PREX1: variants seen among roughly 807,000 people sequenced by gnomAD.
PREX1 encodes the protein phosphatidylinositol 3,4,5-trisphosphate-dependent Rac exchanger 1 protein.
A neutral mutation model predicts 198.3 loss-of-function variants in PREX1; 41 were observed. The ratio of observed to expected loss-of-function variants is 0.21; its 90% CI spans 0.16 to 0.27. The LOEUF (loss-of-function observed/expected upper bound fraction) is 0.27, where lower values mean the gene tolerates loss of function less well. Ranked by LOEUF, PREX1 falls within the 10% of genes least tolerant of loss-of-function variation. The pLI, the probability that PREX1 is intolerant of heterozygous loss-of-function variation, is 1.00. For synonymous variants in PREX1, 843 were observed against 887.2 expected (o/e 0.95, Z 0.89); for missense variants, 1,620 against 2,200.7 (o/e 0.74, Z 5.28).
chr20:48,692,398 C>G, intron 8 of PREX1: 1 of 313,550 alleles, frequency 3.2e-6, no homozygotes, highest in East Asian at 5.4e-5. Context: ...CTTTAAAAAG[C>G]AAGAAAATGA....
intron 1 of PREX1, among the ~76,000 whole-genome samples, chr20:48,813,092 C>A (rs1424350307): frequency 1.3e-5 from 2 of 152,246 alleles, no homozygotes; most frequent in African/African-American, 2.4e-5. Flanking sequence ...TACTCCACCC[C>A]CAACGGCCCA....
Position 48,625,090 on chromosome 20 carries a change from G to A in PREX1, c.*795C>T, listed in dbSNP as rs1300531734. The A allele has an allele frequency of 6.6e-6, 1 of 152,196 alleles. No individual in the cohort carries two copies. Among genetic ancestry groups the A allele is most frequent in the African/African-American group, 2.4e-5 (1 of 41,272 alleles). 9.4% of individuals were successfully genotyped at this position (152,196 alleles called of 1,614,324 possible). A position where few individuals can be genotyped will look rare whatever the true frequency, so the allele number is the denominator to read the frequency against. The stretch of plus-strand genomic sequence containing the variant: ...TTTTTTAGTAGAAGCAGGAACAGTT[G>A]TCAATACTACCTTCTGTTGGTCCCC... On this transcript the variant is annotated 3_prime_UTR_variant, in exon 40 of 40. Transcript: ENST00000371941.
chr20:48,643,739 T>C (rs2089431016), intron 27 of PREX1, among the ~76,000 whole-genome samples: 1 of 152,130 alleles, frequency 6.6e-6, no homozygotes. Flanking sequence ...AGTGGCATGA[T>C]CTGAGTCCAC....
At position 48,666,271 on chromosome 20, in the gene PREX1, G is replaced by A; in HGVS notation, c.1738+12C>T. 6.4e-7 allele frequency: 1 copy of A among 1,556,880 alleles called. No homozygotes were observed. Among genetic ancestry groups the A allele is most frequent in the Non-Finnish European group, 8.7e-7 (1 of 1,150,648 alleles). On this transcript the variant is annotated intron_variant, in intron 15 of 39. Transcript: ENST00000371941. The surrounding 1 kb of genome is among the most constrained non-coding windows in gnomAD (Gnocchi z 4.3). ...AGGTCCCGGGGGCTGGGCTGCAGGTGGGGGTGGTTACCGTGGTGCATGAAG... is the reference window on the plus strand; with the variant it reads ...AGGTCCCGGGGGCTGGGCTGCAGGTAGGGGTGGTTACCGTGGTGCATGAAG...
At chr20:48,855,589 G>A in the PREX1 span, among the ~76,000 whole-genome samples, 1 of 152,168 alleles carries the variant, frequency 6.6e-6, no homozygotes, top group Non-Finnish European at 1.5e-5. Flanking sequence ...CACTCCGGCA[G>A]AGGAGACAGA....
chr20:48,715,759 G>T (rs145333952), intron 5 of PREX1, among the ~76,000 whole-genome samples: 21 of 152,290 alleles, frequency 1.4e-4, no homozygotes, highest in South Asian at 1.0e-3. Context: ...AATAGAAGTC[G>T]TGGTAATAGT....
At chr20:48,881,294 A>T in the PREX1 span, among the ~76,000 whole-genome samples, 1 of 152,150 alleles carries the variant, frequency 6.6e-6, no homozygotes, top group African/African-American at 2.4e-5. Flanking sequence ...TAAAAAAAGA[A>T]TTTAAACCCA....
intron 4 of PREX1, among the ~76,000 whole-genome samples, chr20:48,728,211 A>C (rs2090018153): frequency 6.6e-6 from 1 of 152,246 alleles, no homozygotes; most frequent in African/African-American, 2.4e-5. Flanking sequence ...GGGGCTGCCC[A>C]ACAAAACAAA....
At chr20:48,752,319 C>A (rs1357600481) in intron 1 of PREX1, among the ~76,000 whole-genome samples, 2 of 152,220 alleles carry the variant, frequency 1.3e-5, no homozygotes, top group Non-Finnish European at 2.9e-5. Flanking sequence ...TTTGCATGTT[C>A]ACAACATTTT....
At chr20:48,846,708 C>T in the PREX1 span, among the ~76,000 whole-genome samples, 9 of 152,294 alleles carry the variant, frequency 5.9e-5, no homozygotes, top group South Asian at 1.9e-3. Flanking sequence ...AGTTGCTCCC[C>T]AGCCAAAGGT....
chr20:48,709,650 C>T (rs2089921595), intron 5 of PREX1, among the ~76,000 whole-genome samples: 1 of 152,216 alleles, frequency 6.6e-6, no homozygotes, highest in South Asian at 2.1e-4. Flanking sequence ...CAAGGAGGAA[C>T]TGGGATTTGA....
Position 48,644,502 on chromosome 20 carries a change from A to G in PREX1, c.3513-5T>C. On this transcript the variant is annotated splice_polypyrimidine_tract_variant and splice_region_variant and intron_variant, in intron 26 of 39. Transcript: ENST00000371941. ...TCTCGATTGCTGTTACACTCGCTGC[A>G]AAGGGGCCCAGAGAAGGGGCTGAGT... The G allele has an allele frequency of 6.2e-7, 1 of 1,612,638 alleles. No homozygotes were observed. The highest frequency in any genetic ancestry group is 2.2e-5 in the East Asian group (1 of 44,802).
At chr20:48,850,195 AC>A in the PREX1 span, among the ~76,000 whole-genome samples, 2 of 152,006 alleles carry the variant, frequency 1.3e-5, no homozygotes, top group Non-Finnish European at 2.9e-5. Context: ...CATTTTCTCT[AC>A]CTTTCTGGCC....
chr20:48,630,865 A>C, intron 35 of PREX1, 71 bp from the exon 36 acceptor site: 24 of 1,201,584 alleles, frequency 2.0e-5, no homozygotes, highest in Non-Finnish European at 3.0e-5. Context: ...CCCAGGTCTC[A>C]ACTCCTGCAG....
chr20:48,841,458 T>G, the PREX1 span, among the ~76,000 whole-genome samples: 1 of 152,246 alleles, frequency 6.6e-6, no homozygotes, highest in South Asian at 2.1e-4. Context: ...ATCCCTGAGC[T>G]AGATAAAAAA....
chr20:48,875,780 A>G, the PREX1 span, among the ~76,000 whole-genome samples: 1 of 152,126 alleles, frequency 6.6e-6, no homozygotes, highest in African/African-American at 2.4e-5. Context: ...GCGACAGGTG[A>G]GCCGAACAAA....
the PREX1 span, among the ~76,000 whole-genome samples, chr20:48,864,617 C>G: frequency 2.0e-5 from 3 of 152,192 alleles, no homozygotes; most frequent in East Asian, 3.8e-4. Context: ...AAGATTTAAA[C>G]CCAGGTCATG....
chr20:48,641,104 G>A (rs1437735497), intron 29 of PREX1, among the ~76,000 whole-genome samples: 2 of 152,238 alleles, frequency 1.3e-5, no homozygotes, highest in East Asian at 3.9e-4. Flanking sequence ...GGATGAGTAG[G>A]GTGGGTAGGT....
chr20:48,644,055 T>A (rs189828848), intron 27 of PREX1, among the ~76,000 whole-genome samples: 2 of 152,302 alleles, frequency 1.3e-5, no homozygotes, highest in East Asian at 3.9e-4. Context: ...AACCATGAGG[T>A]CACCCTGTTT....
Sources: gnomAD v4.1 joint callset for allele counts (sites outside exome capture counted in the v4.1 genomes callset) on GRCh38, gnomAD v4.1.1 for gene constraint, Gnocchi (gnomAD v3.1) non-coding constraint, MANE v1.5 for transcripts, NCBI Gene and HGNC (gene_info 2026-07-23, HGNC 2026-07-21) for gene names.